Variants in RABGAP1L observed in about 807,000 individuals in gnomAD.
The protein encoded by RABGAP1L is rab GTPase-activating protein 1-like.
RABGAP1L carries 63 observed loss-of-function variants against 137.7 expected under a neutral mutation model. That is an observed-to-expected ratio of 0.46 (90% CI 0.37 to 0.56). The LOEUF (loss-of-function observed/expected upper bound fraction) is 0.56, where lower values mean the gene tolerates loss of function less well. RABGAP1L is among the 20% of genes least tolerant of loss of function. RABGAP1L has a pLI of 0.00. For missense variants in RABGAP1L, 1,095 were observed against 1,244.0 expected, an observed-to-expected ratio of 0.88 and a Z score of 1.80; for synonymous variants, 431 against 433.7, an observed-to-expected ratio of 0.99 and a Z score of 0.08.
At chr1:174,237,216 CTT>C (rs1671282105) in intron 4 of RABGAP1L, among the ~76,000 whole-genome samples, 1 of 146,716 alleles carries the variant, frequency 6.8e-6, no homozygotes, top group African/African-American at 2.5e-5. Context: ...GGTCTTGACT[CTT>C]TATCCAATTT....
chr1:174,613,997 T>C (rs201854415), intron 13 of RABGAP1L, among the ~76,000 whole-genome samples: 149 of 152,312 alleles, frequency 9.8e-4, no homozygotes, highest in East Asian at 8.5e-3. Context: ...CTGATGGGTC[T>C]TGACTCTTTA....
At chr1:174,937,528 C>T (rs1463844696) in intron 19 of RABGAP1L, among the ~76,000 whole-genome samples, 4 of 145,724 alleles carry the variant, frequency 2.7e-5, no homozygotes, top group East Asian at 2.0e-4. Context: ...TCAGGCGATC[C>T]ACCTGCCTCG....
At chr1:174,602,565 C>T (rs1572469155) in intron 13 of RABGAP1L, among the ~76,000 whole-genome samples, 2 of 152,240 alleles carry the variant, frequency 1.3e-5, no homozygotes, top group South Asian at 2.1e-4. Flanking sequence ...TATATCAGGC[C>T]AGTAACTCAT....
chr1:174,422,385 T>A (rs1651420043), intron 13 of RABGAP1L, among the ~76,000 whole-genome samples: 1 of 151,996 alleles, frequency 6.6e-6, no homozygotes, highest in Non-Finnish European at 1.5e-5. Flanking sequence ...GATTTTTTTT[T>A]AAACATTCGA....
intron 13 of RABGAP1L, among the ~76,000 whole-genome samples, chr1:174,530,447 T>G (rs933217067): frequency 6.6e-6 from 1 of 152,138 alleles, no homozygotes; most frequent in Non-Finnish European, 1.5e-5. Context: ...AGAGCAGTGC[T>G]GTTGCACAAT....
chr1:174,633,777 G>A (rs1285125058), intron 13 of RABGAP1L, among the ~76,000 whole-genome samples: 189 of 140,916 alleles, frequency 1.3e-3, no homozygotes, highest in African/African-American at 3.2e-3. Flanking sequence ...AAAACAAGCA[G>A]TGGGGAAAGG....
intron 13 of RABGAP1L, among the ~76,000 whole-genome samples, chr1:174,608,976 C>A (rs1231987975): frequency 6.6e-6 from 1 of 152,066 alleles, no homozygotes; most frequent in African/African-American, 2.4e-5. Context: ...ATAATATTTT[C>A]ATATTGTGAA....
intron 13 of RABGAP1L, among the ~76,000 whole-genome samples, chr1:174,522,172 A>G (rs1663458779): frequency 6.6e-6 from 1 of 152,146 alleles, no homozygotes; most frequent in African/African-American, 2.4e-5. Flanking sequence ...TTGGCAGAAG[A>G]CTAAAGGCAT....
intron 17 of RABGAP1L, among the ~76,000 whole-genome samples, chr1:174,724,939 T>C (rs1681865622): frequency 6.6e-6 from 1 of 152,160 alleles, no homozygotes; most frequent in South Asian, 2.1e-4. Flanking sequence ...CTTGAGGCTC[T>C]TGGGTGGCAG....
chr1:174,367,964 T>A (rs1337108482), intron 11 of RABGAP1L: 1 of 153,362 alleles, frequency 6.5e-6, no homozygotes, highest in Non-Finnish European at 1.5e-5. Context: ...TTTGTCAAGG[T>A]GTTTGTTGCT....
intron 13 of RABGAP1L, among the ~76,000 whole-genome samples, chr1:174,463,685 A>G (rs1000919294): frequency 6.6e-6 from 1 of 152,050 alleles, no homozygotes; most frequent in Non-Finnish European, 1.5e-5. Flanking sequence ...AAAAGAAGAC[A>G]TATGTGTGGC....
chr1:174,578,056 A>C (rs1188347291), intron 13 of RABGAP1L, among the ~76,000 whole-genome samples: 3 of 152,268 alleles, frequency 2.0e-5, no homozygotes, highest in African/African-American at 7.2e-5. Context: ...TATATGTTGA[A>C]ATAAGTATAG....
At chr1:174,788,729 T>G (rs538037919) in intron 18 of RABGAP1L, among the ~76,000 whole-genome samples, 1 of 152,150 alleles carries the variant, frequency 6.6e-6, no homozygotes, top group East Asian at 1.9e-4. Flanking sequence ...TTGGACACAT[T>G]GGGATGAAGT....
intron 18 of RABGAP1L, among the ~76,000 whole-genome samples, chr1:174,771,291 G>A (rs1219730651): frequency 6.6e-6 from 1 of 152,182 alleles, no homozygotes; most frequent in Non-Finnish European, 1.5e-5. Context: ...AGACAGGGAA[G>A]CATGCTCTAA....
chr1:174,837,373 G>A (rs898780102), intron 19 of RABGAP1L, among the ~76,000 whole-genome samples: 1 of 152,154 alleles, frequency 6.6e-6, no homozygotes, highest in Non-Finnish European at 1.5e-5. Context: ...ATTGTGTAAG[G>A]ATCTTAAGTT....
chr1:174,683,439 A>C, intron 14 of RABGAP1L, 83 bp from the exon 15 acceptor site: 2 of 1,122,114 alleles, frequency 1.8e-6, no homozygotes, highest in Non-Finnish European at 2.6e-6. Context: ...GGACAGGAAC[A>C]AGCAGGAGCC....
chr1:174,754,601 A>C (rs1215372708), intron 18 of RABGAP1L, among the ~76,000 whole-genome samples: 3 of 152,096 alleles, frequency 2.0e-5, no homozygotes, highest in African/African-American at 7.2e-5. Context: ...TCCTGGGCTC[A>C]AGTGATCCTC....
intron 3 of RABGAP1L, among the ~76,000 whole-genome samples, chr1:174,230,509 T>G (rs1003143625): frequency 1.3e-5 from 2 of 152,120 alleles, no homozygotes; most frequent in African/African-American, 4.8e-5. Flanking sequence ...TAATTGACAT[T>G]GTGAGGATGA....
intron 19 of RABGAP1L, among the ~76,000 whole-genome samples, chr1:174,944,236 C>T (rs189367697): frequency 7.6e-4 from 108 of 142,084 alleles, no homozygotes; most frequent in African/African-American, 2.6e-3. Flanking sequence ...AAGATTACTC[C>T]ACTGCATTCC....
Sources: allele counts gnomAD v4.1 joint callset (sites outside exome capture counted in the v4.1 genomes callset), GRCh38; gene constraint gnomAD v4.1.1; transcripts MANE v1.5; gene names NCBI Gene and HGNC (gene_info 2026-07-23, HGNC 2026-07-21).